The following SLC35F2 variants were observed in gnomAD, a reference collection of about 807,000 sequenced individuals.
SLC35F2 encodes the protein solute carrier family 35 member F2.
A neutral mutation model predicts 38.1 loss-of-function variants in SLC35F2; 25 were observed. The ratio of observed to expected loss-of-function variants is 0.66; its 90% CI spans 0.48 to 0.92. The LOEUF (loss-of-function observed/expected upper bound fraction) is 0.92. Among genes scored for constraint, SLC35F2 ranks in the 40% least tolerant of loss-of-function variants. The probability of loss-of-function intolerance (pLI) is 0.00; values close to 1 mark genes in which losing one functional copy is unlikely to be tolerated. For synonymous variants in SLC35F2, 173 were observed against 181.7 expected, an observed-to-expected ratio of 0.95 and a Z score of 0.38; for missense variants, 409 against 452.9, an observed-to-expected ratio of 0.90 and a Z score of 0.88.
At chr11:107,820,133 G>C (rs976856363) in intron 1 of SLC35F2, among the ~76,000 whole-genome samples, 1 of 150,996 alleles carries the variant, frequency 6.6e-6, no homozygotes, top group Non-Finnish European at 1.5e-5. Context: ...GTACACGCCT[G>C]TAATCCCAGC....
In SLC35F2 at chr11:107,802,365, C is replaced by T. The variant is rs149377052; in HGVS notation, c.939+636G>A. Among the ~76,000 whole-genome samples, 1,001 of 152,194 alleles carry T rather than the reference C, an allele frequency of 6.6e-3. 7 individuals carry two copies. The highest frequency in any genetic ancestry group is 0.023 in the African/African-American group (944 of 41,524). ...ACTCCATATTTGCTCTCTTGCTTCC[C>T]CTGAAGACACTGATATATTCCCTTC... On this transcript the variant is annotated intron_variant, in intron 7 of 7. Transcript: ENST00000525815.
chr11:107,818,074 AAGAAAGAAAGAAAGAAAGAAAG>A (rs1859608410), intron 1 of SLC35F2, among the ~76,000 whole-genome samples: 1 of 67,594 alleles, frequency 1.5e-5, no homozygotes, highest in Non-Finnish European at 3.2e-5. Context: ...AAAAAAAAAA[AAGAAAGAAAGAAAGAAAGAAAG>A]AAAGAAAGAA....
At chr11:107,853,082 C>T (rs1860214560) in intron 1 of SLC35F2, among the ~76,000 whole-genome samples, 2 of 152,056 alleles carry the variant, frequency 1.3e-5, no homozygotes, top group South Asian at 4.1e-4. Context: ...GCCCCCTTCA[C>T]ACCAAGCTAC....
intron 1 of SLC35F2, among the ~76,000 whole-genome samples, chr11:107,857,343 G>T (rs1860310794): frequency 7.3e-6 from 1 of 137,832 alleles, no homozygotes; most frequent in Non-Finnish European, 1.6e-5. Flanking sequence ...AGGAGAGAGA[G>T]GGAAGGAAGG....
At chr11:107,838,779 C>T (rs1054595524) in intron 1 of SLC35F2, among the ~76,000 whole-genome samples, 5 of 151,850 alleles carry the variant, frequency 3.3e-5, no homozygotes, top group African/African-American at 1.2e-4. Context: ...CAGGCGTGCA[C>T]CTCCATGCCT....
At chr11:107,811,533 A>G (rs1384814431) in intron 3 of SLC35F2, 134 bp downstream of exon 3, 9 of 819,854 alleles carry the variant, frequency 1.1e-5, no homozygotes, top group Middle Eastern at 3.3e-4. Context: ...ATGCTCTACT[A>G]GAAAACAGCA....
chr11:107,829,124 GA>G (rs1252104414), intron 1 of SLC35F2, among the ~76,000 whole-genome samples: 50 of 118,564 alleles, frequency 4.2e-4, no homozygotes, highest in Admixed American at 6.4e-4. Context: ...AGGTCAGTAG[GA>G]AAAAAAAAAA....
chr11:107,855,990 A>T (rs7109214), intron 1 of SLC35F2, among the ~76,000 whole-genome samples: 3 of 150,558 alleles, frequency 2.0e-5, no homozygotes, highest in African/African-American at 7.3e-5. Flanking sequence ...CTGTAATCCT[A>T]GCTACTCAGG....
chr11:107,837,789 T>C (rs1859954944), intron 1 of SLC35F2, among the ~76,000 whole-genome samples: 2 of 152,132 alleles, frequency 1.3e-5, no homozygotes, highest in African/African-American at 4.8e-5. Flanking sequence ...CTATGACATT[T>C]TGGTTGCAAT....
intron 4 of SLC35F2, among the ~76,000 whole-genome samples, chr11:107,805,998 G>A (rs1391300481): frequency 6.6e-6 from 1 of 152,144 alleles, no homozygotes; most frequent in East Asian, 1.9e-4. Flanking sequence ...GGCCAGGCTG[G>A]TCTCGAACTC....
At chr11:107,846,966 A>G (rs1476907840) in intron 1 of SLC35F2, among the ~76,000 whole-genome samples, 2 of 152,104 alleles carry the variant, frequency 1.3e-5, no homozygotes, top group Non-Finnish European at 2.9e-5. Flanking sequence ...TGCTTAAAAG[A>G]ATGAGTTTTA....
At chr11:107,802,046 C>G (rs142653964) in intron 7 of SLC35F2, among the ~76,000 whole-genome samples, 4 of 152,004 alleles carry the variant, frequency 2.6e-5, no homozygotes, top group Non-Finnish European at 5.9e-5. Context: ...CAAGACCAGC[C>G]TGGCCAACAT....
Position 107,806,820 on chromosome 11 carries a change from A to G in SLC35F2, c.471T>C (p.His157=). Residue 157 remains histidine (H), a synonymous_variant, in exon 4 of 8, where the codon CAT becomes CAC. Transcript: ENST00000525815. ...TGAAGTGGATCACTCTGTATCTTGC[A>G]TGAAGAATAAACCATGACAGAGCCA... ...VLMALSWFIL[H]ARYRVIHFIA... 4 of 1,614,154 alleles carry G rather than the reference A, an allele frequency of 2.5e-6. No individual in the cohort carries two copies. Among genetic ancestry groups the G allele is most frequent in the African/African-American group, 1.3e-5 (1 of 75,056 alleles).
chr11:107,857,356 GGAGA>G (rs1860311231), intron 1 of SLC35F2, among the ~76,000 whole-genome samples: 1 of 147,036 alleles, frequency 6.8e-6, no homozygotes, highest in African/African-American at 2.5e-5. Flanking sequence ...AAGGAAGGAA[GGAGA>G]GAGGGAGAGA....
intron 1 of SLC35F2, among the ~76,000 whole-genome samples, chr11:107,855,309 A>G (rs955325266): frequency 1.3e-5 from 2 of 152,078 alleles, no homozygotes; most frequent in Non-Finnish European, 2.9e-5. Flanking sequence ...TCATGTGCTA[A>G]GGGTTGTGGT....
At chr11:107,816,249 T>C in intron 1 of SLC35F2, 3 of 983,284 alleles carry the variant, frequency 3.1e-6, no homozygotes, top group Non-Finnish European at 3.6e-6. Flanking sequence ...CTATAACATA[T>C]ACTTTGTAAA....
chr11:107,846,421 C>T (rs1307363440), intron 1 of SLC35F2, among the ~76,000 whole-genome samples: 2 of 151,996 alleles, frequency 1.3e-5, no homozygotes, highest in Non-Finnish European at 2.9e-5. Flanking sequence ...CTTAAATATG[C>T]CATGAAAATT....
chr11:107,837,265 C>T (rs1277007524), intron 1 of SLC35F2, among the ~76,000 whole-genome samples: 1 of 152,132 alleles, frequency 6.6e-6, no homozygotes, highest in East Asian at 1.9e-4. Flanking sequence ...TCATACAACA[C>T]TATATATGTA....
At chr11:107,840,009 T>C (rs1166075564) in intron 1 of SLC35F2, among the ~76,000 whole-genome samples, 1 of 152,126 alleles carries the variant, frequency 6.6e-6, no homozygotes, top group Non-Finnish European at 1.5e-5. Flanking sequence ...GGAACTTAAG[T>C]CTATTGCCTA....
Sources: gnomAD v4.1 joint callset for allele counts (sites outside exome capture counted in the v4.1 genomes callset) on GRCh38, gnomAD v4.1.1 for gene constraint, MANE v1.5 for transcripts, NCBI Gene and HGNC (gene_info 2026-07-23, HGNC 2026-07-21) for gene names.